Variants in DHX57 observed in about 807,000 individuals in gnomAD.
The protein encoded by DHX57 is putative ATP-dependent RNA helicase DHX57.
In DHX57, 105 loss-of-function variants were observed where a neutral mutation model predicts 156.2. The ratio of observed to expected loss-of-function variants is 0.67; its 90% confidence interval spans 0.57 to 0.79. The LOEUF is 0.79. Ranked by LOEUF, DHX57 falls within the 30% of genes least tolerant of loss-of-function variation. DHX57 has a pLI of 0.00. For synonymous variants in DHX57, 704 were observed against 595.6 expected, an observed-to-expected ratio of 1.18 and a Z score of -2.65; for missense variants, 1,847 against 1,661.9, an observed-to-expected ratio of 1.11 and a Z score of -1.94.
At chr2:38,810,646 C>T (rs1288316227) in intron 21 of DHX57, 11 of 666,220 alleles carry the variant, frequency 1.7e-5, no homozygotes, top group Non-Finnish European at 2.0e-5. Flanking sequence ...CCCTTCCACT[C>T]GGTCCTGGGA....
Position 38,810,194 on chromosome 2 carries a change from C to G in DHX57, c.3682-3501G>C, listed in dbSNP as rs777234232. Among the ~76,000 whole-genome samples, 363 of 150,506 alleles carry G rather than the reference C, an allele frequency of 2.4e-3. 1 individual carries two copies. The highest frequency in any genetic ancestry group is 4.2e-3 in the Non-Finnish European group (284 of 67,648). ...ACAGACGTGAGCCACCGTGGCTGGC[C>G]TTAGTCTTTTTTTTTTTTTTTTTTA... On this transcript the variant is annotated intron_variant, in intron 21 of 23. Transcript: ENST00000457308.
At chr2:38,866,925 A>C (rs970978438) in intron 2 of DHX57, among the ~76,000 whole-genome samples, 2 of 152,228 alleles carry the variant, frequency 1.3e-5, no homozygotes, top group African/African-American at 4.8e-5. Flanking sequence ...AGTAGTGTAC[A>C]GTAATATCCC....
intron 1 of DHX57, among the ~76,000 whole-genome samples, chr2:38,871,517 A>G (rs1164377324): frequency 1.3e-5 from 2 of 152,226 alleles, no homozygotes; most frequent in Admixed American, 6.5e-5. Context: ...TTTCTGCTAT[A>G]ACAGAATGCC....
At position 38,871,768 on chromosome 2, in the gene DHX57, G is replaced by A. The variant is rs115267326; in HGVS notation, c.-6-3357C>T. On this transcript the variant is annotated intron_variant, in intron 1 of 23. Coordinates refer to ENST00000457308, the MANE Select transcript of DHX57 (RefSeq NM_198963.3). ...GTTGCCCCAGCTGGAGTGCAGTAGC[G>A]TGGTCTCAGCTTACTGCAAGGTCTG... 3.0e-3 allele frequency among the ~76,000 whole-genome samples: 457 copies of A among 150,520 alleles called. 2 individuals are homozygous for A. The highest frequency in any genetic ancestry group is 0.01 in the Middle Eastern group (3 of 290).
At chr2:38,849,045 C>T (rs1427735075) in intron 9 of DHX57, among the ~76,000 whole-genome samples, 1 of 152,138 alleles carries the variant, frequency 6.6e-6, no homozygotes, top group Admixed American at 6.5e-5. Context: ...GTATAGGGTA[C>T]AAATTTGATA....
intron 11 of DHX57, among the ~76,000 whole-genome samples, chr2:38,846,486 G>T (rs1047135814): frequency 1.3e-5 from 2 of 151,648 alleles, no homozygotes; most frequent in Admixed American, 1.3e-4. Flanking sequence ...AGGCATGGGG[G>T]TGTGTGTCTG....
intron 13 of DHX57, 68 bp downstream of exon 13, chr2:38,837,763 T>TA: frequency 1.1e-6 from 1 of 934,712 alleles, no homozygotes; most frequent in East Asian, 2.4e-5. Flanking sequence ...CACTCATGAA[T>TA]AGACTCCCAT....
intron 9 of DHX57, among the ~76,000 whole-genome samples, chr2:38,851,830 T>G (rs1672607870): frequency 6.6e-6 from 1 of 152,168 alleles, no homozygotes; most frequent in African/African-American, 2.4e-5. Context: ...GAGAGAATGT[T>G]TTATTTGGCT....
At chr2:38,813,176 A>G (rs2148543298) in intron 21 of DHX57, among the ~76,000 whole-genome samples, 1 of 151,834 alleles carries the variant, frequency 6.6e-6, no homozygotes, top group Admixed American at 6.6e-5. Context: ...TAGAGAGTGT[A>G]AGATAAACTG....
At chr2:38,838,387 A>C (rs575494880) in intron 12 of DHX57, among the ~76,000 whole-genome samples, 13 of 152,238 alleles carry the variant, frequency 8.5e-5, no homozygotes, top group African/African-American at 2.2e-4. Context: ...AGCCACCACA[A>C]CCAGCCCACT....
intron 12 of DHX57, among the ~76,000 whole-genome samples, chr2:38,840,140 G>T (rs889276520): frequency 6.6e-6 from 1 of 152,052 alleles, no homozygotes; most frequent in African/African-American, 2.4e-5. Context: ...AGACAAGGCA[G>T]CACCATGTTG....
At chr2:38,805,019 G>T (rs1045791188) in intron 22 of DHX57, among the ~76,000 whole-genome samples, 4 of 152,144 alleles carry the variant, frequency 2.6e-5, no homozygotes, top group African/African-American at 9.7e-5. Flanking sequence ...TTCTTCCACT[G>T]TCCTCAACAG....
At chr2:38,840,442 G>A (rs1671930322) in intron 12 of DHX57, among the ~76,000 whole-genome samples, 1 of 151,272 alleles carries the variant, frequency 6.6e-6, no homozygotes, top group Non-Finnish European at 1.5e-5. Flanking sequence ...GTGCAGTGGT[G>A]CAATCTGGGC....
chr2:38,865,182 T>C (rs773580454), intron 2 of DHX57, among the ~76,000 whole-genome samples: 7 of 152,210 alleles, frequency 4.6e-5, no homozygotes, highest in Admixed American at 1.3e-4. Flanking sequence ...CTTTATACGG[T>C]TGATAATGGT....
Position 38,862,300 on chromosome 2 carries a change from C to T in DHX57, c.417G>A (p.Glu139=), listed in dbSNP as rs768140975. The T allele has an allele frequency of 5.6e-6, 9 of 1,599,938 alleles. No individual in the cohort carries two copies. Among genetic ancestry groups the T allele is most frequent in the Non-Finnish European group, 7.7e-6 (9 of 1,170,634 alleles). Residue 139 remains glutamate, a synonymous_variant, in exon 4 of 24, where the codon GAG becomes GAA. Transcript: ENST00000457308. ...RGLSGEEEDD[E]PDCCNDERYW... is the part of the protein sequence containing the mutation. Reference sequence around the variant, plus strand: ...ACCGCTCATCGTTACAGCAATCAGGCTCATCATCTTCCTCCTCCCCAGAAA... The same window carrying T: ...ACCGCTCATCGTTACAGCAATCAGGTTCATCATCTTCCTCCTCCCCAGAAA...
At chr2:38,831,575 C>G (rs1671384145) in intron 13 of DHX57, among the ~76,000 whole-genome samples, 2 of 152,122 alleles carry the variant, frequency 1.3e-5, no homozygotes. Flanking sequence ...ATGACATAGG[C>G]TGGGCATGGT....
At chr2:38,818,998 C>G in intron 18 of DHX57, 38 bp from the exon 19 acceptor site, 7 of 1,613,916 alleles carry the variant, frequency 4.3e-6, no homozygotes, top group Non-Finnish European at 5.9e-6. Flanking sequence ...CTTACTCAGT[C>G]TTCAGTGCCA....
At chr2:38,846,263 A>G (rs1299796232) in intron 11 of DHX57, among the ~76,000 whole-genome samples, 1 of 152,210 alleles carries the variant, frequency 6.6e-6, no homozygotes, top group Non-Finnish European at 1.5e-5. Flanking sequence ...CTCTCAGCAG[A>G]ATCAGCAAGT....
Position 38,872,036 on chromosome 2 carries a change from C to T in DHX57, c.-6-3625G>A, listed in dbSNP as rs1457505926. Among the ~76,000 whole-genome samples the T allele has an allele frequency of 5.3e-5, 8 of 152,112 alleles. No homozygotes were observed. The East Asian group carries it at 1.5e-3, about 29-fold the overall frequency. ...TAACTCATTCTTGCTATAACTAACC[C>T]ACTCCCATGCTAGTGACATTAAACC... On this transcript the variant is annotated intron_variant, in intron 1 of 23. Coordinates refer to ENST00000457308, the MANE Select transcript of DHX57 (RefSeq NM_198963.3).
Sources: allele counts gnomAD v4.1 joint callset (sites outside exome capture counted in the v4.1 genomes callset), GRCh38; gene constraint gnomAD v4.1.1; transcripts MANE v1.5; gene names NCBI Gene and HGNC (gene_info 2026-07-23, HGNC 2026-07-21).